Variants in LYRM4 observed in about 807,000 individuals in gnomAD.
LYRM4 encodes the protein LYR motif containing 4.
A neutral mutation model predicts 11.7 loss-of-function variants in LYRM4; 9 were observed. The ratio of observed to expected loss-of-function variants is 0.77; its 90% CI spans 0.46 to 1.34. The LOEUF is 1.34. Among genes scored for constraint, LYRM4 ranks in the 40% most tolerant of loss-of-function variants. The pLI, the probability that LYRM4 is intolerant of heterozygous loss-of-function variation, is 0.00. For synonymous variants in LYRM4, 42 were observed against 40.4 expected (o/e 1.04, Z -0.15); for missense variants, 133 against 112.5 (o/e 1.18, Z -0.82).
At chr6:5,090,927 T>G in the LYRM4 span, among the ~76,000 whole-genome samples, 1 of 152,198 alleles carries the variant, frequency 6.6e-6, no homozygotes, top group African/African-American at 2.4e-5. The surrounding 1 kb of genome is among the most constrained non-coding windows in gnomAD (Gnocchi z 4.8). Flanking sequence ...GGCAGAGTGA[T>G]TGGTGCCATG....
rs1561899246 is a variant in LYRM4, at chr6:5,245,158, ATATAT to A, written c.86+15485_86+15489del. ...TATATATATATATATATATATATAT[ATATAT>A]AAAATAGGTGAATTTCTGGAACAAA... On this transcript the variant is annotated intron_variant, in intron 1 of 2. Coordinates refer to ENST00000330636, the MANE Select transcript of LYRM4 (RefSeq NM_020408.6). 1.5e-3 allele frequency among the ~76,000 whole-genome samples: 146 copies of A among 99,502 alleles called. 1 individual carries two copies. The highest frequency in any genetic ancestry group is 3.7e-3 in the South Asian group (10 of 2,670). 65.3% of individuals were successfully genotyped at this position (99,502 alleles called of 152,430 possible).
chr6:5,260,611 G>GCCCCCCCCC, intron 1 of LYRM4, 37 bp downstream of exon 1: 13 of 1,377,678 alleles, frequency 9.4e-6, no homozygotes, highest in African/African-American at 1.5e-5. Context: ...CCGGCCCCTG[G>GCCCCCCCCC]CCCCCCGCCC....
chr6:5,217,982 A>G (rs1036883901), intron 1 of LYRM4, among the ~76,000 whole-genome samples: 16 of 151,896 alleles, frequency 1.1e-4, no homozygotes, highest in African/African-American at 3.6e-4. Context: ...ATCATAGCTC[A>G]CTGCAATTGC....
At chr6:5,039,016 C>T in the LYRM4 span, among the ~76,000 whole-genome samples, 3 of 152,120 alleles carry the variant, frequency 2.0e-5, no homozygotes, top group Middle Eastern at 3.4e-3. Context: ...GGGTAGTTTA[C>T]ACATGTTTCT....
At chr6:5,044,283 A>T in the LYRM4 span, among the ~76,000 whole-genome samples, 2 of 152,056 alleles carry the variant, frequency 1.3e-5, no homozygotes, top group Non-Finnish European at 2.9e-5. Context: ...GGCGCACACC[A>T]CCACGCCTGG....
chr6:5,193,403 T>C (rs992033399), intron 2 of LYRM4, among the ~76,000 whole-genome samples: 1 of 152,164 alleles, frequency 6.6e-6, no homozygotes, highest in Non-Finnish European at 1.5e-5. Flanking sequence ...AAACATGTAA[T>C]AGAAGGCAGG....
chr6:5,197,470 A>G (rs558846024), intron 2 of LYRM4, among the ~76,000 whole-genome samples: 3 of 152,194 alleles, frequency 2.0e-5, no homozygotes, highest in Admixed American at 6.5e-5. Context: ...TCAGGAGTTC[A>G]AGACCAGCCT....
the LYRM4 span, chr6:5,033,653 C>G: frequency 1.3e-5 from 2 of 152,276 alleles, no homozygotes; most frequent in Non-Finnish European, 2.9e-5. Flanking sequence ...AGAAAAGGTG[C>G]TGTTCCTACA....
chr6:5,122,583 G>A (rs182451784), intron 2 of LYRM4, among the ~76,000 whole-genome samples: 25 of 152,312 alleles, frequency 1.6e-4, no homozygotes, highest in Non-Finnish European at 3.2e-4. Context: ...ATCCCTTGAT[G>A]AGATGCAATG....
intron 2 of LYRM4, among the ~76,000 whole-genome samples, chr6:5,122,058 A>G (rs546226801): frequency 1.3e-5 from 2 of 152,310 alleles, no homozygotes; most frequent in African/African-American, 2.4e-5. Context: ...TCTGGTTTTA[A>G]TATTTGCTTT....
At chr6:5,230,927 T>C (rs993048863) in intron 1 of LYRM4, among the ~76,000 whole-genome samples, 1 of 152,042 alleles carries the variant, frequency 6.6e-6, no homozygotes, top group Non-Finnish European at 1.5e-5. Context: ...CTTCCTAAAA[T>C]GTATGAAATG....
rs935338663 is a variant in LYRM4 at position 5,170,901 on chromosome 6, A to C, written c.207+45717T>G. Among the ~76,000 whole-genome samples, 12 of 152,238 alleles carry C rather than the reference A, an allele frequency of 7.9e-5. 1 individual carries two copies. Among genetic ancestry groups the C allele is most frequent in the Non-Finnish European group, 1.3e-4 (9 of 68,040 alleles). On this transcript the variant is annotated intron_variant, in intron 2 of 2. Coordinates refer to ENST00000330636, the MANE Select transcript of LYRM4 (RefSeq NM_020408.6). The stretch of plus-strand genomic sequence containing the variant: ...AGCTGAAGTGACCTAACGGTCCACC[A>C]TTAGGGGTTGGCTCAACATATGATG...
intron 2 of LYRM4, among the ~76,000 whole-genome samples, chr6:5,203,051 C>T (rs917055494): frequency 6.6e-6 from 1 of 152,232 alleles, no homozygotes; most frequent in Non-Finnish European, 1.5e-5. Flanking sequence ...TCCACCTCTA[C>T]AGGCATGTGT....
intron 2 of LYRM4, among the ~76,000 whole-genome samples, chr6:5,199,150 G>A (rs138630531): frequency 6.6e-6 from 1 of 152,350 alleles, no homozygotes; most frequent in Non-Finnish European, 1.5e-5. Context: ...AAGTGGGGAT[G>A]ACCCAAATGT....
chr6:5,252,190 T>C lies in LYRM4; in HGVS notation c.86+8458A>G, dbSNP rs551459856. Among the ~76,000 whole-genome samples, 14 of 152,308 alleles carry C rather than the reference T, an allele frequency of 9.2e-5. No individual in the cohort carries two copies. In the South Asian group the frequency reaches 2.9e-3, roughly 32 times the overall value. On this transcript the variant is annotated intron_variant, in intron 1 of 2. Coordinates refer to ENST00000330636, the MANE Select transcript of LYRM4 (RefSeq NM_020408.6). ...GAAAATAAACTTCTCCAGGTTGATGTTTCTACAGATTTTGCAGGCTTATTC... is the reference window on the plus strand; with the variant it reads ...GAAAATAAACTTCTCCAGGTTGATGCTTCTACAGATTTTGCAGGCTTATTC...
chr6:5,123,232 C>G (rs192954595), intron 2 of LYRM4, among the ~76,000 whole-genome samples: 16 of 152,292 alleles, frequency 1.1e-4, no homozygotes, highest in Admixed American at 2.6e-4. Context: ...GCACACACGT[C>G]CTCATCCCAA....
intron 1 of LYRM4, among the ~76,000 whole-genome samples, chr6:5,252,605 G>A (rs1410843340): frequency 6.6e-6 from 1 of 152,034 alleles, no homozygotes; most frequent in Non-Finnish European, 1.5e-5. Flanking sequence ...TTTTCTCTCT[G>A]CTGTCTTTTC....
intron 2 of LYRM4, among the ~76,000 whole-genome samples, chr6:5,134,578 A>G (rs1016972404): frequency 2.0e-5 from 3 of 152,258 alleles, no homozygotes; most frequent in Middle Eastern, 3.2e-3. Context: ...GATATGTACC[A>G]AAATAGTTTA....
downstream of LYRM4, chr6:5,108,395 T>G (rs1046454463): frequency 1.1e-6 from 1 of 942,946 alleles, no homozygotes; most frequent in Non-Finnish European, 1.3e-6. Flanking sequence ...CTTTCTATGT[T>G]TGGAATGAAT....
Sources: gnomAD v4.1 joint callset for allele counts (sites outside exome capture counted in the v4.1 genomes callset) on GRCh38, gnomAD v4.1.1 for gene constraint, Gnocchi (gnomAD v3.1) non-coding constraint, MANE v1.5 for transcripts, NCBI Gene and HGNC (gene_info 2026-07-23, HGNC 2026-07-21) for gene names.